Variants in EBF1 observed in about 807,000 individuals in gnomAD.
EBF1 encodes transcription factor COE1.
EBF1 carries 10 observed loss-of-function variants against 68.4 expected under a neutral mutation model. The ratio of observed to expected loss-of-function variants is 0.15; its 90% CI spans 0.09 to 0.25. The LOEUF is 0.25. Among genes scored for constraint, EBF1 ranks in the 10% least tolerant of loss-of-function variants. The pLI is 1.00. For missense variants in EBF1, 509 were observed against 794.4 expected (o/e 0.64, Z 4.32); for synonymous variants, 298 against 299.8 (o/e 0.99, Z 0.06).
chr5:158,846,548 G>C (rs1433492955), intron 6 of EBF1, among the ~76,000 whole-genome samples: 1 of 152,228 alleles, frequency 6.6e-6, no homozygotes, highest in Non-Finnish European at 1.5e-5. Flanking sequence ...ACAGAGCTCT[G>C]AGAAGAGGTA....
intron 10 of EBF1, among the ~76,000 whole-genome samples, chr5:158,756,985 A>G (rs1770257271): frequency 6.6e-6 from 1 of 151,664 alleles, no homozygotes; most frequent in African/African-American, 2.4e-5. Context: ...CTGAAAAAAA[A>G]AAAAAAAAGA....
intron 14 of EBF1, among the ~76,000 whole-genome samples, chr5:158,710,928 TTCAAAG>T (rs1380105710): frequency 6.6e-6 from 1 of 152,314 alleles, no homozygotes; most frequent in South Asian, 2.1e-4. Context: ...CAAGATGAAC[TTCAAAG>T]TCAGAGCGAG....
At chr5:158,911,514 G>A (rs1403635280) in intron 6 of EBF1, among the ~76,000 whole-genome samples, 2 of 152,136 alleles carry the variant, frequency 1.3e-5, no homozygotes, top group Admixed American at 1.3e-4. Flanking sequence ...AGGGTGGAGA[G>A]GGGAAGAAAT....
chr5:158,926,592 C>A (rs967848331), intron 6 of EBF1, among the ~76,000 whole-genome samples: 1 of 150,136 alleles, frequency 6.7e-6, no homozygotes, highest in African/African-American at 2.5e-5. Context: ...GGCATGGTGG[C>A]ACACACCTGT....
At chr5:158,942,466 C>A (rs1160612466) in intron 6 of EBF1, among the ~76,000 whole-genome samples, 1 of 152,132 alleles carries the variant, frequency 6.6e-6, no homozygotes, top group Non-Finnish European at 1.5e-5. Flanking sequence ...AGGAAAAAAA[C>A]ATTTAGCACA....
intron 4 of EBF1, 93 bp from the exon 5 acceptor site, chr5:159,084,832 A>G (rs1780360385): frequency 6.5e-6 from 7 of 1,073,864 alleles, no homozygotes; most frequent in South Asian, 3.9e-5. Context: ...CTTCACCACT[A>G]CTGAAGGCCA....
intron 6 of EBF1, among the ~76,000 whole-genome samples, chr5:158,977,231 C>T (rs1247348920): frequency 6.6e-6 from 1 of 152,138 alleles, no homozygotes; most frequent in Admixed American, 6.5e-5. Context: ...TCAAAACAGA[C>T]AAGCAAGCAA....
intron 6 of EBF1, among the ~76,000 whole-genome samples, chr5:158,843,217 A>C (rs7707918): frequency 0.35 from 53,853 of 151,932 alleles, 9,905 homozygotes; most frequent in South Asian, 0.58. Context: ...GAGCCCAGAC[A>C]AGACAGCCAG....
chr5:158,762,412 A>G (rs562548612), intron 10 of EBF1, among the ~76,000 whole-genome samples: 1 of 152,288 alleles, frequency 6.6e-6, no homozygotes, highest in Non-Finnish European at 1.5e-5. Flanking sequence ...TTGGCTTTTC[A>G]CCAATAATTG....
At chr5:159,006,516 G>A (rs1197503198) in intron 6 of EBF1, among the ~76,000 whole-genome samples, 1 of 151,872 alleles carries the variant, frequency 6.6e-6, no homozygotes, top group Non-Finnish European at 1.5e-5. Context: ...TCCTCTCTTA[G>A]AGAAGTCAAG....
At chr5:158,995,800 C>T (rs1055884008) in intron 6 of EBF1, among the ~76,000 whole-genome samples, 8 of 152,208 alleles carry the variant, frequency 5.3e-5, no homozygotes, top group Admixed American at 2.6e-4. Flanking sequence ...CTCTGTGCTA[C>T]TCCACCTATG....
At chr5:158,712,578 G>A (rs1410809732) in intron 13 of EBF1, among the ~76,000 whole-genome samples, 1 of 152,124 alleles carries the variant, frequency 6.6e-6, no homozygotes, top group African/African-American at 2.4e-5. Flanking sequence ...GCAATGCTGG[G>A]CCTATAAATT....
At chr5:159,037,719 G>A (rs1232621188) in intron 6 of EBF1, among the ~76,000 whole-genome samples, 1 of 148,686 alleles carries the variant, frequency 6.7e-6, no homozygotes, top group Non-Finnish European at 1.5e-5. Flanking sequence ...TGACGAGTTA[G>A]TGGGTGCAGC....
At chr5:159,073,826 G>A (rs756326155) in intron 5 of EBF1, 17 of 201,294 alleles carry the variant, frequency 8.4e-5, no homozygotes, top group Admixed American at 1.1e-4. Context: ...TGGCTCAAAC[G>A]TTCTTCCCTC....
At chr5:158,794,443 T>C (rs1016343493) in intron 9 of EBF1, among the ~76,000 whole-genome samples, 3 of 152,018 alleles carry the variant, frequency 2.0e-5, no homozygotes, top group Non-Finnish European at 4.4e-5. Context: ...TGAGAAAAAA[T>C]GGAGGGACCT....
chr5:158,996,214 A>G (rs1421279543), intron 6 of EBF1, among the ~76,000 whole-genome samples: 1 of 152,230 alleles, frequency 6.6e-6, no homozygotes, highest in Non-Finnish European at 1.5e-5. Flanking sequence ...TTTTATCTAG[A>G]AAGGAATTTT....
chr5:158,964,512 G>A (rs762006516), intron 6 of EBF1, among the ~76,000 whole-genome samples: 1 of 152,082 alleles, frequency 6.6e-6, no homozygotes, highest in Non-Finnish European at 1.5e-5. Context: ...GAATAAAATG[G>A]AAAGGAGAGA....
At chr5:158,993,061 C>T (rs1428664072) in intron 6 of EBF1, among the ~76,000 whole-genome samples, 1 of 149,042 alleles carries the variant, frequency 6.7e-6, no homozygotes. Flanking sequence ...TCCAAGTAGC[C>T]GGGATTACAG....
chr5:158,799,724 C>A (rs1022314720), intron 8 of EBF1, among the ~76,000 whole-genome samples: 4 of 152,112 alleles, frequency 2.6e-5, no homozygotes, highest in African/African-American at 4.8e-5. Flanking sequence ...GTGAATTGCA[C>A]GTGCCCCAGG....
Sources: allele counts gnomAD v4.1 joint callset (sites outside exome capture counted in the v4.1 genomes callset), GRCh38; gene constraint gnomAD v4.1.1; transcripts MANE v1.5; gene names NCBI Gene and HGNC (gene_info 2026-07-23, HGNC 2026-07-21).